DMXL1: variants seen among roughly 807,000 people sequenced by gnomAD.
DMXL1 encodes dmX-like protein 1.
Under a neutral mutation model 319.2 loss-of-function variants are expected in DMXL1, and 99 were observed. The ratio of observed to expected loss-of-function variants is 0.31; its 90% confidence interval spans 0.26 to 0.37. DMXL1 has a LOEUF of 0.37. DMXL1 is among the 10% of genes least tolerant of loss of function. The pLI is 1.00. For missense variants in DMXL1, 3,745 were observed against 3,595.6 expected (o/e 1.04, Z -1.06); for synonymous variants, 1,385 against 1,235.2 (o/e 1.12, Z -2.54).
Position 119,104,523 on chromosome 5 carries a change from G to A in DMXL1, c.286-657G>A, listed in dbSNP as rs114958603. Among the ~76,000 whole-genome samples, 389 of 152,310 alleles carry A rather than the reference G, an allele frequency of 2.6e-3. 1 individual carries two copies. Among genetic ancestry groups the A allele is most frequent in the Middle Eastern group, 6.8e-3 (2 of 294 alleles). ...ATTAAGAGAGTATGAATCTCAATCT[G>A]TAATTGGGCTGTGAACTCAACTTAG... On this transcript the variant is annotated intron_variant, in intron 3 of 43. Transcript: ENST00000539542.
Position 119,178,217 on chromosome 5 carries a change from G to A in DMXL1, c.7108G>A (p.Glu2370Lys), listed in dbSNP as rs1406534159. 6.2e-7 allele frequency: 1 copy of A among 1,613,378 alleles called. No homozygotes were observed. Among genetic ancestry groups the A allele is most frequent in the Non-Finnish European group, 8.5e-7 (1 of 1,179,634 alleles). ...TGGAGGTGCACATGTTCCTAGCAAAGAACAGACACATTCAAAAACTTTACC... is the reference window on the plus strand; with the variant it reads ...TGGAGGTGCACATGTTCCTAGCAAAAAACAGACACATTCAAAAACTTTACC... ...FGGGAHVPSKEQTHSKTLPVS... is the reference protein window; with the variant it reads ...FGGGAHVPSKKQTHSKTLPVS... The change falls in exon 28 of 44, where the codon GAA becomes AAA. Residue 2370 changes from glutamate (E) to lysine (K), a missense_variant. Around this residue, in one of 4 missense-constraint regions of DMXL1, gnomAD observed 1,382 missense variants for 1,269.5 expected, o/e 1.09. Transcript: ENST00000539542.
Position 119,220,989 on chromosome 5 carries a change from C to G in DMXL1, c.8185C>G (p.Gln2729Glu), listed in dbSNP as rs892770230. The change falls in exon 37 of 44, where the codon CAA (glutamine) becomes GAA (glutamate). Residue 2729 changes from glutamine (Q) to glutamate (E), a missense_variant. Coordinates refer to ENST00000539542, the MANE Select transcript of DMXL1 (RefSeq NM_001290321.3). ...IHARDDLTAV[Q>E]GTTPYTHSNP... ...TGCTCGTGATGATTTAACAGCTGTTCAAGGTACAACTCCATATACACATAG... is the reference window on the plus strand; with the variant it reads ...TGCTCGTGATGATTTAACAGCTGTTGAAGGTACAACTCCATATACACATAG... 14 of 1,613,568 alleles carry G rather than the reference C, an allele frequency of 8.7e-6. No individual in the cohort carries two copies. Among genetic ancestry groups the G allele is most frequent in the Non-Finnish European group, 1.1e-5 (13 of 1,179,748 alleles).
At position 119,220,272 on chromosome 5, in the gene DMXL1, C is replaced by G. The variant is rs150999309; in HGVS notation, c.8014-200C>G. ...ATGTATTGCCATTTATACTGGCTTTCTATTGGATGTACTTTTCATAGAACA... is the reference window on the plus strand; with the variant it reads ...ATGTATTGCCATTTATACTGGCTTTGTATTGGATGTACTTTTCATAGAACA... On this transcript the variant is annotated intron_variant, in intron 35 of 43. Coordinates refer to ENST00000539542, the MANE Select transcript of DMXL1 (RefSeq NM_001290321.3). Among the ~76,000 whole-genome samples, 342 of 152,250 alleles carry G rather than the reference C, an allele frequency of 2.2e-3. 5 individuals are homozygous for G. Among genetic ancestry groups the G allele is most frequent in the Middle Eastern group, 0.014 (4 of 294 alleles).
intron 14 of DMXL1, 66 bp downstream of exon 14, chr5:119,143,996 C>G: frequency 9.9e-7 from 1 of 1,011,894 alleles, no homozygotes; most frequent in Non-Finnish European, 1.5e-6. Context: ...TGCATAAAAT[C>G]TATATATTAA....
At position 119,143,878 on chromosome 5, in the gene DMXL1, A is replaced by G. The variant is rs1767954791; in HGVS notation, c.2414A>G (p.Gln805Arg). ...GAAGTCTTTAACATCGTCAGTCAAC[A>G]ATCAACAGCCAGGCCAGGATGCATT... ...VGEVFNIVSQ[Q>R]STARPGCIIA... The change falls in exon 14 of 44, where the codon CAA becomes CGA. Residue 805 changes from glutamine (Q) to arginine (R), a missense_variant. By Grantham distance (43) the Gln-to-Arg change is conservative (BLOSUM62 1). This residue lies in a region of DMXL1 where 2,096 missense variants were observed against 1,985.4 expected (regional missense o/e 1.06). Coordinates refer to ENST00000539542, the MANE Select transcript of DMXL1 (RefSeq NM_001290321.3). The G allele has an allele frequency of 6.3e-7, 1 of 1,587,420 alleles. No homozygotes were observed. Among genetic ancestry groups the G allele is most frequent in the African/African-American group, 1.4e-5 (1 of 73,740 alleles).
chr5:119,150,898 A>G (rs1240037183), intron 18 of DMXL1, among the ~76,000 whole-genome samples: 1 of 151,684 alleles, frequency 6.6e-6, no homozygotes, highest in African/African-American at 2.4e-5. Context: ...AACTCTTAAT[A>G]TGCACTATTT....
rs1245275674 is a variant in DMXL1, at chr5:119,170,868, T to C, written c.6077T>C (p.Val2026Ala). 1.2e-6 allele frequency: 2 copies of C among 1,612,224 alleles called. No individual in the cohort carries two copies. The highest frequency in any genetic ancestry group is 1.7e-6 in the Non-Finnish European group (2 of 1,179,530). Reference sequence around the variant, plus strand: ...AATCCATCAGAAGATATAATTGCAGTTCAGTTAAAATTTAGAGCATGTTTA... The same window carrying C: ...AATCCATCAGAAGATATAATTGCAGCTCAGTTAAAATTTAGAGCATGTTTA... ...LLNPSEDIIA[V>A]QLKFRACLKI... Residue 2026 changes from valine to alanine, a missense_variant, in exon 24 of 44, where the codon GTT (valine) becomes GCT (alanine). By Grantham distance (64) the Val-to-Ala change is moderately conservative (BLOSUM62 0). Coordinates refer to ENST00000539542, the MANE Select transcript of DMXL1 (RefSeq NM_001290321.3).
intron 34 of DMXL1, among the ~76,000 whole-genome samples, chr5:119,208,847 A>AT (rs968600811): frequency 2.7e-3 from 415 of 151,062 alleles, no homozygotes; most frequent in African/African-American, 9.3e-3. Context: ...TAATCCCTCC[A>AT]TTTTTTTTTC....
intron 7 of DMXL1, among the ~76,000 whole-genome samples, chr5:119,117,524 T>TG (rs1053931981): frequency 4.0e-5 from 6 of 150,458 alleles, no homozygotes; most frequent in African/African-American, 1.5e-4. Context: ...GGTGTGAGGA[T>TG]GGGGAAAGGA....
At chr5:119,200,065 C>A (rs1780419643) in intron 32 of DMXL1, among the ~76,000 whole-genome samples, 2 of 152,138 alleles carry the variant, frequency 1.3e-5, no homozygotes, top group South Asian at 4.1e-4. Context: ...TTTGCAGAAG[C>A]TCTTAAGTTT....
At chr5:119,179,994 G>A (rs149166150) in intron 28 of DMXL1, among the ~76,000 whole-genome samples, 3 of 152,268 alleles carry the variant, frequency 2.0e-5, no homozygotes, top group African/African-American at 7.2e-5. Flanking sequence ...TTCTGCCCTT[G>A]TAGCACAAAG....
Position 119,097,972 on chromosome 5 carries a change from T to A in DMXL1, c.88-7T>A. 1 of 1,598,096 alleles carries A rather than the reference T, an allele frequency of 6.3e-7. No homozygotes were observed. Among genetic ancestry groups the A allele is most frequent in the Non-Finnish European group, 8.5e-7 (1 of 1,172,052 alleles). On this transcript the variant is annotated splice_region_variant and splice_polypyrimidine_tract_variant and intron_variant, in intron 1 of 43. Coordinates refer to ENST00000539542, the MANE Select transcript of DMXL1 (RefSeq NM_001290321.3). ...CTTTTATCATTTTTATTTATTTATT[T>A]TTTTAGGCTTATGCATCTGGATGTG...
chr5:119,089,263 CAT>C (rs577898951), intron 1 of DMXL1, among the ~76,000 whole-genome samples: 3 of 80,876 alleles, frequency 3.7e-5, no homozygotes, highest in Non-Finnish European at 6.6e-5. Context: ...ATTATATATG[CAT>C]ATATATATAT....
intron 9 of DMXL1, among the ~76,000 whole-genome samples, chr5:119,122,368 CA>C (rs1361602424): frequency 6.7e-6 from 1 of 149,466 alleles, no homozygotes; most frequent in Admixed American, 6.6e-5. Context: ...AGGGGCTCCT[CA>C]CTTCCCAGTA....
intron 32 of DMXL1, among the ~76,000 whole-genome samples, chr5:119,200,751 C>T (rs983217235): frequency 2.0e-5 from 3 of 152,074 alleles, no homozygotes; most frequent in African/African-American, 7.2e-5. Flanking sequence ...TTTCTTTGCA[C>T]AGTGTTTTGT....
intron 38 of DMXL1, among the ~76,000 whole-genome samples, chr5:119,232,106 G>A (rs1336328851): frequency 6.6e-6 from 1 of 152,008 alleles, no homozygotes; most frequent in Non-Finnish European, 1.5e-5. Context: ...TCAGTCTCCT[G>A]AGTAGCTAGT....
At chr5:119,086,624 T>G (rs1753431319) in intron 1 of DMXL1, among the ~76,000 whole-genome samples, 1 of 152,150 alleles carries the variant, frequency 6.6e-6, no homozygotes, top group Non-Finnish European at 1.5e-5. Flanking sequence ...GAATTGGTGT[T>G]AGTTCTTCTT....
intron 28 of DMXL1, among the ~76,000 whole-genome samples, chr5:119,185,480 A>C (rs543499597): frequency 6.6e-6 from 1 of 152,096 alleles, no homozygotes; most frequent in Admixed American, 6.6e-5. Context: ...GCTGGATAGT[A>C]TCATCTTCCA....
intron 28 of DMXL1, among the ~76,000 whole-genome samples, chr5:119,186,229 TAGAG>T (rs1777691703): frequency 6.6e-6 from 1 of 152,188 alleles, no homozygotes; most frequent in Non-Finnish European, 1.5e-5. Flanking sequence ...GATTGAGAAA[TAGAG>T]AGTGAGACCT....
Sources: allele counts gnomAD v4.1 joint callset (sites outside exome capture counted in the v4.1 genomes callset), GRCh38; gene constraint gnomAD v4.1.1; regional missense constraint gnomAD v4.1.1; transcripts MANE v1.5; gene names NCBI Gene and HGNC (gene_info 2026-07-23, HGNC 2026-07-21).